OTOG: variants seen among roughly 807,000 people sequenced by gnomAD.
OTOG encodes the protein otogelin.
In OTOG, 296 loss-of-function variants were observed where a neutral mutation model predicts 313.8. The ratio of observed to expected loss-of-function variants is 0.94; its 90% confidence interval spans 0.86 to 1.04. The LOEUF (loss-of-function observed/expected upper bound fraction) is 1.04, where lower values mean the gene tolerates loss of function less well. Among genes scored for constraint, OTOG ranks in the 50% least tolerant of loss-of-function variants. The pLI, the probability that OTOG is intolerant of heterozygous loss-of-function variation, is 0.00. For missense variants in OTOG, 3,948 were observed against 3,840.1 expected, an observed-to-expected ratio of 1.03 and a Z score of -0.74; for synonymous variants, 1,533 against 1,554.9, an observed-to-expected ratio of 0.99 and a Z score of 0.33.
In OTOG at chr11:17,607,461, T is replaced by A. The variant is rs527374248; in HGVS notation, c.4157-835T>A. Among the ~76,000 whole-genome samples the A allele has an allele frequency of 9.8e-5, 15 of 152,346 alleles. No individual in the cohort carries two copies. The South Asian group carries it at 3.1e-3, about 32-fold the overall frequency. On this transcript the variant is annotated intron_variant, in intron 33 of 55. Transcript: ENST00000399397. ...AGCCACAGGGCCTCTTTTGAGAACA[T>A]CTCCTCTGAAAACCTTTCACTTTCT... is the stretch of plus-strand genomic sequence containing the variant.
In OTOG at chr11:17,611,058, C is replaced by T. The variant is rs1446581241; in HGVS notation, c.5758C>T (p.Pro1920Ser). ...CATCCTATCCAAGCAAGTGTCTCTG[C>T]CCACTTCCATGTATGGTTCTGCAGA... ...VAILSKQVSLPTSMYGSAEGG... is the reference protein window; with the variant it reads ...VAILSKQVSLSTSMYGSAEGG... Residue 1920 changes from proline (P) to serine (S), a missense_variant, in exon 36 of 56, where the codon CCC (proline) becomes TCC (serine). By Grantham distance (74) the Pro-to-Ser change is moderately conservative (BLOSUM62 -1). Transcript: ENST00000399397. 1.8e-5 allele frequency: 28 copies of T among 1,550,542 alleles called. No homozygotes were observed. The highest frequency in any genetic ancestry group is 2.4e-5 in the Non-Finnish European group (27 of 1,147,030).
chr11:17,626,646 T>C (rs1018273973), intron 39 of OTOG, among the ~76,000 whole-genome samples: 1 of 152,236 alleles, frequency 6.6e-6, no homozygotes, highest in Admixed American at 6.5e-5. Context: ...GTTTTTTCTA[T>C]TTCTGTGAAG....
intron 24 of OTOG, among the ~76,000 whole-genome samples, chr11:17,588,147 G>A (rs915406356): frequency 6.6e-6 from 1 of 152,210 alleles, no homozygotes; most frequent in African/African-American, 2.4e-5. Flanking sequence ...GCCATAGGGT[G>A]GATGTCCTCT....
At position 17,602,210 on chromosome 11, in the gene OTOG, T is replaced by C. The variant is rs760231979; in HGVS notation, c.3710T>C (p.Val1237Ala). Residue 1237 changes from valine (V) to alanine (A), a missense_variant and splice_region_variant, in exon 32 of 56, where the codon GTG (valine) becomes GCG (alanine). Transcript: ENST00000399397. ...CPYDCDFFNKVLGKGPYQLSS... is the reference protein window; with the variant it reads ...CPYDCDFFNKALGKGPYQLSS... ...TGCTGATGGGGCCTCTTCTCTCCAGTGCTAGGTAAGGGCCCCTATCAGCTA... is the reference window on the plus strand; with the variant it reads ...TGCTGATGGGGCCTCTTCTCTCCAGCGCTAGGTAAGGGCCCCTATCAGCTA... The C allele has an allele frequency of 9.7e-6, 15 of 1,550,146 alleles. No homozygotes were observed. The South Asian group carries it at 1.5e-4, about 16-fold the overall frequency.
chr11:17,632,275 C>T lies in OTOG; in HGVS notation c.7072+49C>T, dbSNP rs547945920. ...CCTCCATTGTGACTATTGTTCCCAT[C>T]CCCTGTTAAAGTGGGAAAAGGCTCC... On this transcript the variant is annotated intron_variant, in intron 42 of 55. Transcript: ENST00000399397. The T allele has an allele frequency of 4.5e-5, 68 of 1,514,690 alleles. No homozygotes were observed. In the East Asian group the frequency reaches 1.6e-3, roughly 37 times the overall value. The allele number at this position is 1,514,690 out of a possible 1,614,324, so 93.8% of individuals were successfully genotyped here. A position where few individuals can be genotyped will look rare whatever the true frequency, so the allele number is the denominator to read the frequency against.
intron 3 of OTOG, among the ~76,000 whole-genome samples, chr11:17,549,945 A>G (rs570603375): frequency 9.2e-5 from 14 of 152,320 alleles, no homozygotes; most frequent in Middle Eastern, 3.4e-3. Flanking sequence ...GCCCCAGACC[A>G]GTAGGCAACC....
At chr11:17,583,033 T>A (rs931519940) in intron 23 of OTOG, among the ~76,000 whole-genome samples, 1 of 151,974 alleles carries the variant, frequency 6.6e-6, no homozygotes, top group South Asian at 2.1e-4. Flanking sequence ...TAATTTATCA[T>A]TTTTTTCTTT....
In OTOG at chr11:17,610,742, C is replaced by A. The variant is rs548432789; in HGVS notation, c.5442C>A (p.Gly1814=). 1 of 1,549,952 alleles carries A rather than the reference C, an allele frequency of 6.5e-7. No homozygotes were observed. Among genetic ancestry groups the A allele is most frequent in the African/African-American group, 1.4e-5 (1 of 73,188 alleles). The change falls in exon 36 of 56, where the codon GGC becomes GGA. Residue 1814 remains glycine (G), a synonymous_variant. Transcript: ENST00000399397. ...CCAGCCTGCCCCTGGCCAAGGTGGG[C>A]ACATCTGCCCCAGTGGCCACACCCG... ...PDTSLPLAKV[G]TSAPVATPGP... is the part of the protein sequence containing the mutation.
intron 23 of OTOG, among the ~76,000 whole-genome samples, chr11:17,580,506 C>T (rs765525401): frequency 2.4e-4 from 36 of 152,180 alleles, no homozygotes; most frequent in African/African-American, 3.1e-4. Context: ...CCTTGAGGAC[C>T]GAGGCCAAAG....
chr11:17,578,432 G>C lies in OTOG; in HGVS notation c.2665G>C (p.Glu889Gln), dbSNP rs888990247. Residue 889 changes from glutamate (E) to glutamine (Q), a missense_variant, in exon 23 of 56, where the codon GAG becomes CAG. Coordinates refer to ENST00000399397, the MANE Select transcript of OTOG (RefSeq NM_001292063.2). ...VNCSDLHTDL[E>Q]LSRERTCEQQ... ...CTGCAGCGACCTGCACACGGACCTG[G>C]AGCTGAGCAGGGAGAGGACGTGTGA... The C allele has an allele frequency of 1.9e-6, 3 of 1,541,532 alleles. No homozygotes were observed. The African/African-American group carries it at 4.1e-5, about 21-fold the overall frequency.
intron 47 of OTOG, 91 bp from the exon 48 acceptor site, chr11:17,638,360 G>C (rs56271762): frequency 0.011 from 12,395 of 1,091,716 alleles, 104 homozygotes; most frequent in Middle Eastern, 0.033. Flanking sequence ...GGAGCTGGGG[G>C]TAGCCTCTCT....
chr11:17,643,503 A>G lies in OTOG; in HGVS notation c.8458A>G (p.Thr2820Ala). The G allele has an allele frequency of 7.0e-7, 1 of 1,428,534 alleles. No homozygotes were observed. The highest frequency in any genetic ancestry group is 9.2e-7 in the Non-Finnish European group (1 of 1,083,340). 88.5% of individuals were successfully genotyped at this position (1,428,534 alleles called of 1,614,324 possible). The change falls in exon 54 of 56, where the codon ACC becomes GCC. Residue 2820 changes from threonine (T) to alanine (A), a missense_variant. Thr to Ala is a moderately conservative substitution (Grantham distance 58). Coordinates refer to ENST00000399397, the MANE Select transcript of OTOG (RefSeq NM_001292063.2). ...VVPSLEGCCRTCKEDGRSCKK... is the reference protein window; with the variant it reads ...VVPSLEGCCRACKEDGRSCKK... ...ACCTTCCTTGGAAGGATGCTGCAGG[A>G]CCTGTGAGTGAGCATGGTGGGGGCC...
Position 17,557,111 on chromosome 11 carries a change from C to T in OTOG, c.660-7C>T, listed in dbSNP as rs1052841315. 37 of 1,548,862 alleles carry T rather than the reference C, an allele frequency of 2.4e-5. No individual in the cohort carries two copies. In the Middle Eastern group the frequency reaches 8.7e-4, roughly 36 times the overall value. ...GATACCCTGAAGCTCTGGGATGTGC[C>T]CTGCAGGGTCCAACTGCCACATGTC... is the stretch of plus-strand genomic sequence containing the variant. On this transcript the variant is annotated splice_polypyrimidine_tract_variant and splice_region_variant and intron_variant, in intron 7 of 55. Coordinates refer to ENST00000399397, the MANE Select transcript of OTOG (RefSeq NM_001292063.2).
At chr11:17,598,837 C>A (rs976434491) in intron 30 of OTOG, among the ~76,000 whole-genome samples, 2 of 152,210 alleles carry the variant, frequency 1.3e-5, no homozygotes, top group African/African-American at 4.8e-5. Context: ...CAGGCACGTG[C>A]CCCTAGCCAC....
chr11:17,631,715 A>T lies in OTOG; in HGVS notation c.6726A>T (p.Gly2242=). ...QGHGLCGICD[G]DAANDLTLKD... is the part of the protein sequence containing the mutation. ...GGCCCCTTTCAGGTATCTGTGATGG[A>T]GATGCAGCCAATGACCTTACCCTGA... is the stretch of plus-strand genomic sequence containing the variant. Residue 2242 remains glycine, a synonymous_variant, in exon 41 of 56, where the codon GGA becomes GGT. Coordinates refer to ENST00000399397, the MANE Select transcript of OTOG (RefSeq NM_001292063.2). 1 of 1,550,134 alleles carries T rather than the reference A, an allele frequency of 6.5e-7. No individual in the cohort carries two copies.
chr11:17,550,852 A>G (rs1851916484), intron 3 of OTOG, among the ~76,000 whole-genome samples: 1 of 152,244 alleles, frequency 6.6e-6, no homozygotes, highest in South Asian at 2.1e-4. Context: ...TGAGGACACC[A>G]AAATCTGGCT....
intron 40 of OTOG, 146 bp from the exon 41 acceptor site, chr11:17,631,555 TC>T (rs1854126409): frequency 5.9e-6 from 4 of 676,194 alleles, no homozygotes; most frequent in East Asian, 2.7e-5. Context: ...TTTCCTAGCT[TC>T]CCTTCACCTA....
intron 17 of OTOG, 115 bp downstream of exon 17, chr11:17,570,505 C>A: frequency 1.0e-6 from 1 of 955,444 alleles, no homozygotes; most frequent in Non-Finnish European, 1.5e-6. Flanking sequence ...GCCCAGCATG[C>A]ACCATTAGTT....
At chr11:17,573,401 G>C in intron 19 of OTOG, 111 bp downstream of exon 19, 1 of 1,177,682 alleles carries the variant, frequency 8.5e-7, no homozygotes, top group Non-Finnish European at 1.2e-6. Flanking sequence ...CCTCCAGCCT[G>C]ACTGCACCCA....
Sources: gnomAD v4.1 joint callset for allele counts (sites outside exome capture counted in the v4.1 genomes callset) on GRCh38, gnomAD v4.1.1 for gene constraint, MANE v1.5 for transcripts, NCBI Gene and HGNC (gene_info 2026-07-23, HGNC 2026-07-21) for gene names.